The following ALG6 variants were observed in gnomAD, a reference collection of about 807,000 sequenced individuals.
ALG6 encodes dolichyl pyrophosphate Man9GlcNAc2 alpha-1,3-glucosyltransferase.
A neutral mutation model predicts 66.6 loss-of-function variants in ALG6; 46 were observed. That is an observed-to-expected ratio of 0.69 (90% CI 0.55 to 0.88). The LOEUF is 0.88. Among genes scored for constraint, ALG6 ranks in the 40% least tolerant of loss-of-function variants. The pLI is 0.00. For synonymous variants in ALG6, 185 were observed against 203.7 expected (o/e 0.91, Z 0.78); for missense variants, 505 against 586.8 (o/e 0.86, Z 1.44).
At position 63,437,267 on chromosome 1, in the gene ALG6, C is replaced by A; in HGVS notation, c.*247C>A. On this transcript the variant is annotated 3_prime_UTR_variant, in exon 15 of 15. Transcript: ENST00000263440. ...TGTGGTTTTATTATTCACAGCTATT[C>A]AAGTGGGGAAAAAAGAGAAACATGT... 2.4e-6 allele frequency: 1 copy of A among 421,508 alleles called. No homozygotes were observed. Among genetic ancestry groups the A allele is most frequent in the Admixed American group, 3.9e-5 (1 of 25,680 alleles). 26.1% of individuals were successfully genotyped at this position (421,508 alleles called of 1,614,324 possible).
At chr1:63,410,756 A>G (rs1644511990) in intron 7 of ALG6, among the ~76,000 whole-genome samples, 1 of 151,938 alleles carries the variant, frequency 6.6e-6, no homozygotes, top group South Asian at 2.1e-4. Flanking sequence ...AAGTGTAGCG[A>G]TCTCAGTAAA....
At chr1:63,404,307 AAG>A in intron 4 of ALG6, 144 bp from the exon 5 acceptor site, 1 of 726,310 alleles carries the variant, frequency 1.4e-6, no homozygotes, top group Non-Finnish European at 2.5e-6. Context: ...ATTAAATAAA[AAG>A]AGTAAAACTT....
chr1:63,422,226 A>AATATATATATTTATATAG (rs1644582802), intron 12 of ALG6, among the ~76,000 whole-genome samples: 1 of 31,382 alleles, frequency 3.2e-5, no homozygotes, highest in African/African-American at 2.2e-4. Context: ...TATTTATATA[A>AATATATATATTTATATAG]ATATAAATAT....
intron 7 of ALG6, among the ~76,000 whole-genome samples, chr1:63,408,776 AT>A (rs1012648925): frequency 1.8e-4 from 28 of 152,158 alleles, no homozygotes; most frequent in Middle Eastern, 3.4e-3. Context: ...GTAAGGATAC[AT>A]TTTTTTCTTT....
Position 63,371,077 on chromosome 1 carries a change from G to T in ALG6, c.82+18G>T. 2 of 1,544,012 alleles carry T rather than the reference G, an allele frequency of 1.3e-6. No homozygotes were observed. Among genetic ancestry groups the T allele is most frequent in the Non-Finnish European group, 1.8e-6 (2 of 1,118,196 alleles). ...TTATTCAGGTAATACATTTTTACTGGTTAAAAAAAAAACGAAATTTTCCTT... is the reference window on the plus strand; with the variant it reads ...TTATTCAGGTAATACATTTTTACTGTTTAAAAAAAAAACGAAATTTTCCTT... On this transcript the variant is annotated intron_variant, in intron 2 of 14. Coordinates refer to ENST00000263440, the MANE Select transcript of ALG6 (RefSeq NM_013339.4).
At chr1:63,411,452 C>T in intron 8 of ALG6, 121 bp downstream of exon 8, 1 of 936,438 alleles carries the variant, frequency 1.1e-6, no homozygotes, top group Non-Finnish European at 1.6e-6. Context: ...AATATTTTGG[C>T]TGTAGGGTAT....
chr1:63,405,942 AT>A (rs1381521258), intron 5 of ALG6, among the ~76,000 whole-genome samples: 1 of 151,994 alleles, frequency 6.6e-6, no homozygotes, highest in African/African-American at 2.4e-5. Context: ...TTTAAAAAAG[AT>A]TTTCTTACAC....
chr1:63,397,581 A>G (rs1190100126), intron 3 of ALG6, among the ~76,000 whole-genome samples: 1 of 152,116 alleles, frequency 6.6e-6, no homozygotes, highest in African/African-American at 2.4e-5. Context: ...ATGATACAGT[A>G]TATATTGAAC....
At chr1:63,436,048 T>C (rs896437511) in intron 14 of ALG6, among the ~76,000 whole-genome samples, 1 of 152,220 alleles carries the variant, frequency 6.6e-6, no homozygotes, top group Non-Finnish European at 1.5e-5. Context: ...TTTTCTTTCA[T>C]GTGCCTTCGT....
intron 14 of ALG6, among the ~76,000 whole-genome samples, chr1:63,434,399 G>A (rs35273945): frequency 0.18 from 27,901 of 152,156 alleles, 2,736 homozygotes; most frequent in Middle Eastern, 0.27. Context: ...GGAACTTTGT[G>A]TGTGGTGGGG....
chr1:63,418,387 G>A (rs1644556057), intron 11 of ALG6, among the ~76,000 whole-genome samples: 1 of 150,672 alleles, frequency 6.6e-6, no homozygotes, highest in Non-Finnish European at 1.5e-5. Flanking sequence ...CAACCAGAAG[G>A]AGCCAATCAC....
Position 63,382,665 on chromosome 1 carries a change from GTTTTTTTT to G in ALG6, c.82+11612_82+11619del, listed in dbSNP as rs59236936. ...AGTTTTTTTTTGTTTGTTTTTTTTT[GTTTTTTTT>G]TTTTTGTTTTTTTTTTTTTTGAGAC... On this transcript the variant is annotated intron_variant, in intron 2 of 14. Transcript: ENST00000263440. Among the ~76,000 whole-genome samples, 382 of 93,584 alleles carry G rather than the reference GTTTTTTTT, an allele frequency of 4.1e-3. 1 individual carries two copies. The highest frequency in any genetic ancestry group is 0.016 in the African/African-American group (339 of 21,436). The allele number at this position is 93,584 out of a possible 152,430, so 61.4% of individuals were successfully genotyped here.
chr1:63,403,094 C>CAA lies in ALG6; in HGVS notation c.257+776_257+777dup, dbSNP rs1160526296. Among the ~76,000 whole-genome samples, 27 of 65,322 alleles carry CAA rather than the reference C, an allele frequency of 4.1e-4. 1 individual carries two copies. Among genetic ancestry groups the CAA allele is most frequent in the African/African-American group, 9.7e-4 (17 of 17,458 alleles). 42.9% of individuals were successfully genotyped at this position (65,322 alleles called of 152,430 possible). A position where few individuals can be genotyped will look rare whatever the true frequency, so the allele number is the denominator to read the frequency against. On this transcript the variant is annotated intron_variant, in intron 4 of 14. Transcript: ENST00000263440. Reference sequence around the variant, plus strand: ...TGGGCAACAGAGTGAGACTCCATCTCAAAAAAAAAAAAAAAAAAAAAAAAA... The same window carrying CAA: ...TGGGCAACAGAGTGAGACTCCATCTCAAAAAAAAAAAAAAAAAAAAAAAAAAA...
chr1:63,387,295 T>A (rs1648529914), intron 2 of ALG6, among the ~76,000 whole-genome samples: 1 of 152,198 alleles, frequency 6.6e-6, no homozygotes, highest in Admixed American at 6.6e-5. Context: ...GTCCACTTAG[T>A]TTACACTGCA....
intron 2 of ALG6, among the ~76,000 whole-genome samples, chr1:63,388,505 C>A (rs1648573894): frequency 6.6e-6 from 1 of 152,098 alleles, no homozygotes; most frequent in African/African-American, 2.4e-5. Flanking sequence ...TGCTTTTTAA[C>A]TTTTTATTGT....
At chr1:63,394,621 G>A (rs577863814) in intron 2 of ALG6, among the ~76,000 whole-genome samples, 6 of 152,220 alleles carry the variant, frequency 3.9e-5, no homozygotes, top group African/African-American at 1.4e-4. Flanking sequence ...ACCCACCTCG[G>A]CCTCCCAAAG....
intron 12 of ALG6, among the ~76,000 whole-genome samples, chr1:63,423,024 AT>A (rs61279219): frequency 0.36 from 50,818 of 142,880 alleles, 8,813 homozygotes; most frequent in East Asian, 0.48. Flanking sequence ...GGATAATGCA[AT>A]TTTTTTTTTT....
intron 12 of ALG6, among the ~76,000 whole-genome samples, chr1:63,425,448 A>C (rs1195511884): frequency 1.3e-5 from 2 of 152,190 alleles, no homozygotes; most frequent in African/African-American, 2.4e-5. Context: ...GGCATCTGTG[A>C]AAGTTCTGTT....
Position 63,419,379 on chromosome 1 carries a change from G to C in ALG6, c.997G>C (p.Ala333Pro), listed in dbSNP as rs1212125571. 5 of 1,608,416 alleles carry C rather than the reference G, an allele frequency of 3.1e-6. No homozygotes were observed. The highest frequency in any genetic ancestry group is 1.7e-4 in the Middle Eastern group (1 of 6,044). ...CCCTTTTTTCTTAAAGGTTAGCTGTGCGCTATCATTCTTTTTATTTTCTTT... is the reference window on the plus strand; with the variant it reads ...CCCTTTTTTCTTAAAGGTTAGCTGTCCGCTATCATTCTTTTTATTTTCTTT... ...KGFKFTLVSC[A>P]LSFFLFSFQV... is the part of the protein sequence containing the mutation. Residue 333 changes from alanine (A) to proline (P), a missense_variant, in exon 12 of 15, where the codon GCG becomes CCG. Physicochemically the swap from Ala to Pro is conservative, Grantham distance 27. Transcript: ENST00000263440.
Sources: allele counts gnomAD v4.1 joint callset (sites outside exome capture counted in the v4.1 genomes callset), GRCh38; gene constraint gnomAD v4.1.1; transcripts MANE v1.5; gene names NCBI Gene and HGNC (gene_info 2026-07-23, HGNC 2026-07-21).